Variants in CLDN10 observed in about 807,000 individuals in gnomAD.
CLDN10 encodes claudin 10, also known as claudin-10.
In CLDN10, 15 loss-of-function variants were observed where a neutral mutation model predicts 22.9. The ratio of observed to expected loss-of-function variants is 0.65; its 90% CI spans 0.44 to 1.01. The LOEUF (loss-of-function observed/expected upper bound fraction) is 1.01. Among genes scored for constraint, CLDN10 ranks in the 50% least tolerant of loss-of-function variants. CLDN10 has a pLI of 0.00. For missense variants in CLDN10, 247 were observed against 287.8 expected (o/e 0.86, Z 1.03); for synonymous variants, 114 against 111.4 (o/e 1.02, Z -0.15).
At chr13:95,558,188 G>A (rs2043661441) in intron 1 of CLDN10, among the ~76,000 whole-genome samples, 1 of 152,294 alleles carries the variant, frequency 6.6e-6, no homozygotes, top group Admixed American at 6.5e-5. Context: ...CTGGTGGCAA[G>A]TGATGAACCA....
At chr13:95,436,012 T>A (rs1005005366) in intron 1 of CLDN10, among the ~76,000 whole-genome samples, 3 of 152,026 alleles carry the variant, frequency 2.0e-5, no homozygotes, top group Non-Finnish European at 4.4e-5. Flanking sequence ...CTGTATTTCT[T>A]AATGAAACCC....
intron 1 of CLDN10, among the ~76,000 whole-genome samples, chr13:95,497,398 G>T (rs760944387): frequency 5.9e-5 from 9 of 152,144 alleles, no homozygotes; most frequent in South Asian, 2.1e-4. Flanking sequence ...AAGCAGTGTG[G>T]CTGGGCTTAA....
At chr13:95,558,944 A>C (rs1353646556) in intron 1 of CLDN10, among the ~76,000 whole-genome samples, 1 of 152,122 alleles carries the variant, frequency 6.6e-6, no homozygotes, top group African/African-American at 2.4e-5. Flanking sequence ...AAAAGAAAAA[A>C]AGAAACTGAA....
At chr13:95,538,836 C>T (rs960020111) in intron 1 of CLDN10, among the ~76,000 whole-genome samples, 2 of 152,164 alleles carry the variant, frequency 1.3e-5, no homozygotes, top group African/African-American at 2.4e-5. Flanking sequence ...ACAGAGAAGG[C>T]GATTTTTAAG....
chr13:95,436,800 C>G (rs1024000298), intron 1 of CLDN10, among the ~76,000 whole-genome samples: 16 of 152,000 alleles, frequency 1.1e-4, no homozygotes, highest in African/African-American at 3.9e-4. Flanking sequence ...TTCTTTTATT[C>G]CTATTTGAAA....
intron 1 of CLDN10, among the ~76,000 whole-genome samples, chr13:95,528,288 G>A (rs1288385745): frequency 2.4e-5 from 3 of 126,554 alleles, no homozygotes; most frequent in Non-Finnish European, 5.2e-5. Flanking sequence ...GTTTTATAAG[G>A]GGTTTCCCCT....
intron 1 of CLDN10, among the ~76,000 whole-genome samples, chr13:95,471,426 C>A (rs868546502): frequency 3.7e-4 from 38 of 102,208 alleles, no homozygotes; most frequent in Middle Eastern, 5.2e-3. Context: ...TATACACACA[C>A]ACACACACAC....
intron 1 of CLDN10, among the ~76,000 whole-genome samples, chr13:95,471,455 T>A (rs184647622): frequency 0.093 from 6,267 of 67,514 alleles, 190 homozygotes; most frequent in Middle Eastern, 0.12. Context: ...ATATATATAT[T>A]TTTTTTTTTT....
intron 1 of CLDN10, among the ~76,000 whole-genome samples, chr13:95,495,918 A>G (rs991544394): frequency 6.6e-6 from 1 of 152,198 alleles, no homozygotes; most frequent in Non-Finnish European, 1.5e-5. Context: ...AACATTTAAT[A>G]CTGGACTGTT....
intron 1 of CLDN10, among the ~76,000 whole-genome samples, chr13:95,496,511 A>G (rs942532772): frequency 6.6e-6 from 1 of 152,184 alleles, no homozygotes; most frequent in Non-Finnish European, 1.5e-5. Context: ...ACAAAATACC[A>G]TAGACTGGGT....
intron 1 of CLDN10, among the ~76,000 whole-genome samples, chr13:95,495,638 G>C (rs2042921123): frequency 6.6e-6 from 1 of 151,268 alleles, no homozygotes; most frequent in South Asian, 2.1e-4. Flanking sequence ...CAGCTACTTG[G>C]GAGGCTGAGG....
chr13:95,456,910 G>A (rs1420338678), intron 1 of CLDN10, among the ~76,000 whole-genome samples: 1 of 152,186 alleles, frequency 6.6e-6, no homozygotes, highest in Non-Finnish European at 1.5e-5. Context: ...TTGCAGGCAG[G>A]ATTGAAGCAG....
intron 1 of CLDN10, among the ~76,000 whole-genome samples, chr13:95,500,099 C>G (rs896174746): frequency 3.9e-5 from 6 of 152,180 alleles, no homozygotes; most frequent in Non-Finnish European, 5.9e-5. Flanking sequence ...TCTGCAAATA[C>G]TTACTGACTG....
upstream of CLDN10, among the ~76,000 whole-genome samples, chr13:95,548,922 C>T (rs758596070): frequency 5.9e-5 from 9 of 152,210 alleles, no homozygotes; most frequent in Non-Finnish European, 1.2e-4. Flanking sequence ...TGTACTGAAT[C>T]TCAAGTAAGG....
In CLDN10 at chr13:95,496,095, A is replaced by T. The variant is rs1219938705; in HGVS notation, c.214+62048A>T. On this transcript the variant is annotated intron_variant, in intron 1 of 4. Coordinates refer to the CLDN10 transcript ENST00000376873. ...TGAAATGGCACTTCCCACATGTTGG[A>T]TACGGCCCTTTGCCCTTTCTCAGGC... 7.9e-5 allele frequency among the ~76,000 whole-genome samples: 12 copies of T among 152,178 alleles called. 1 individual carries two copies. The highest frequency in any genetic ancestry group is 2.9e-4 in the African/African-American group (12 of 41,454).
At chr13:95,500,237 A>G (rs927491399) in intron 1 of CLDN10, among the ~76,000 whole-genome samples, 1 of 152,220 alleles carries the variant, frequency 6.6e-6, no homozygotes, top group Non-Finnish European at 1.5e-5. Flanking sequence ...TAAACAGATA[A>G]ATAAACAAGG....
chr13:95,516,158 A>T (rs2043165809), intron 1 of CLDN10, among the ~76,000 whole-genome samples: 1 of 152,232 alleles, frequency 6.6e-6, no homozygotes, highest in Admixed American at 6.5e-5. Context: ...AATTGCTATG[A>T]ATACAAATGT....
intron 1 of CLDN10, among the ~76,000 whole-genome samples, chr13:95,507,283 G>A (rs2138552406): frequency 6.6e-6 from 1 of 152,214 alleles, no homozygotes; most frequent in Non-Finnish European, 1.5e-5. Context: ...TTATTCTGAT[G>A]TCTCCTTCTA....
At chr13:95,544,978 G>A (rs1017116216) in intron 1 of CLDN10, among the ~76,000 whole-genome samples, 14 of 151,298 alleles carry the variant, frequency 9.3e-5, no homozygotes, top group African/African-American at 2.7e-4. Flanking sequence ...AGGTTTCACC[G>A]TGTTGGCCAA....
Sources: gnomAD v4.1 joint callset for allele counts (sites outside exome capture counted in the v4.1 genomes callset) on GRCh38, gnomAD v4.1.1 for gene constraint, MANE v1.5 for transcripts, NCBI Gene and HGNC (gene_info 2026-07-23, HGNC 2026-07-21) for gene names.